Variants in PDE3B observed in about 807,000 individuals in gnomAD.
The protein encoded by PDE3B is phosphodiesterase 3B, also known as cGMP-inhibited 3',5'-cyclic phosphodiesterase 3B.
Under a neutral mutation model 116.8 loss-of-function variants are expected in PDE3B, and 66 were observed. That is an observed-to-expected ratio of 0.56 (90% confidence interval 0.46 to 0.69). The LOEUF (loss-of-function observed/expected upper bound fraction) is 0.69, where lower values mean the gene tolerates loss of function less well. Among genes scored for constraint, PDE3B ranks in the 30% least tolerant of loss-of-function variants. The pLI is 0.00. For synonymous variants in PDE3B, 595 were observed against 533.6 expected (o/e 1.12, Z -1.59); for missense variants, 1,384 against 1,368.1 (o/e 1.01, Z -0.18).
rs1261234502 is a variant in PDE3B, at chr11:14,805,266, GAAC to G, written c.1522+1222_1522+1224del. Among the ~76,000 whole-genome samples the G allele has an allele frequency of 2.0e-5, 3 of 152,076 alleles. 1 individual carries two copies. Among genetic ancestry groups the G allele is most frequent in the East Asian group, 3.9e-4 (2 of 5,194 alleles). On this transcript the variant is annotated intron_variant, in intron 5 of 15. Coordinates refer to ENST00000282096, the MANE Select transcript of PDE3B (RefSeq NM_000922.4). The stretch of plus-strand genomic sequence containing the variant: ...AGCAAGGTTGTTTTTATTTTTCAAG[GAAC>G]AACAATAATGATATTGACAGTGACT...
At chr11:14,664,310 A>G (rs1213200496) in intron 1 of PDE3B, among the ~76,000 whole-genome samples, 2 of 152,220 alleles carry the variant, frequency 1.3e-5, no homozygotes, top group Non-Finnish European at 2.9e-5. Context: ...CACAAGAGAA[A>G]GTAGGAAAGA....
intron 2 of PDE3B, chr11:14,773,897 A>C (rs1010271940): frequency 6.6e-6 from 1 of 152,192 alleles, no homozygotes; most frequent in African/African-American, 2.4e-5. Context: ...TAAGCTCACT[A>C]CTTTGTTTTT....
chr11:14,723,040 G>A (rs921762505), intron 1 of PDE3B, among the ~76,000 whole-genome samples: 2 of 152,158 alleles, frequency 1.3e-5, no homozygotes, highest in African/African-American at 4.8e-5. Context: ...ATCCTAAATG[G>A]CATCTGGCCA....
At chr11:14,847,344 T>C (rs1023947123) in intron 12 of PDE3B, among the ~76,000 whole-genome samples, 2 of 149,914 alleles carry the variant, frequency 1.3e-5, no homozygotes, top group East Asian at 2.0e-4. Context: ...CAAAGCAGTG[T>C]GTAGAGGGAA....
Position 14,734,836 on chromosome 11 carries a change from A to G in PDE3B, c.979-37101A>G, listed in dbSNP as rs907291148. ...GCTGTTTTTGAGAATACAGATTCCA[A>G]TACAACCACAAAAACCTTACCACAT... On this transcript the variant is annotated intron_variant, in intron 1 of 15. Transcript: ENST00000282096. 1.6e-4 allele frequency among the ~76,000 whole-genome samples: 25 copies of G among 152,256 alleles called. No individual in the cohort carries two copies. In the South Asian group the frequency reaches 1.7e-3, roughly 10 times the overall value.
chr11:14,869,458 C>T lies in PDE3B; in HGVS notation c.3140-3C>T, dbSNP rs782419085. 6.2e-7 allele frequency: 1 copy of T among 1,606,406 alleles called. No individual in the cohort carries two copies. Among genetic ancestry groups the T allele is most frequent in the Non-Finnish European group, 8.5e-7 (1 of 1,177,464 alleles). On this transcript the variant is annotated splice_region_variant and splice_polypyrimidine_tract_variant and intron_variant, in intron 15 of 15. Coordinates refer to ENST00000282096, the MANE Select transcript of PDE3B (RefSeq NM_000922.4). ...TAGAATATATTTATTTTAAATTTCACAGAACCACCAAGAAGGAAAAGCAGA... is the reference window on the plus strand; with the variant it reads ...TAGAATATATTTATTTTAAATTTCATAGAACCACCAAGAAGGAAAAGCAGA...
chr11:14,658,006 A>G (rs996916357), intron 1 of PDE3B, among the ~76,000 whole-genome samples: 9 of 152,198 alleles, frequency 5.9e-5, no homozygotes, highest in Non-Finnish European at 1.3e-4. Context: ...TCATTAGCAG[A>G]ATAGGACCAG....
chr11:14,886,684 G>A, the PDE3B span: 3 of 152,194 alleles, frequency 2.0e-5, no homozygotes, highest in African/African-American at 4.8e-5. Flanking sequence ...GTGAGAGAAC[G>A]ATATTCCCTT....
At chr11:14,668,322 C>T (rs1033943594) in intron 1 of PDE3B, among the ~76,000 whole-genome samples, 2 of 152,076 alleles carry the variant, frequency 1.3e-5, no homozygotes, top group Non-Finnish European at 2.9e-5. Context: ...TCTAAGGACA[C>T]TTGGTTCTTT....
the PDE3B span, chr11:14,892,336 G>T: frequency 1.2e-6 from 1 of 845,506 alleles, no homozygotes. Flanking sequence ...CTGACTGAGT[G>T]AGCGCTCAGG....
intron 1 of PDE3B, among the ~76,000 whole-genome samples, chr11:14,755,392 T>G (rs1292775093): frequency 1.3e-5 from 2 of 152,234 alleles, no homozygotes; most frequent in African/African-American, 4.8e-5. Flanking sequence ...TGGAAATGAT[T>G]ATTTACAGTG....
intron 1 of PDE3B, among the ~76,000 whole-genome samples, chr11:14,646,453 G>A (rs542545161): frequency 2.6e-5 from 4 of 152,158 alleles, no homozygotes; most frequent in Non-Finnish European, 4.4e-5. Flanking sequence ...TACTACCAGT[G>A]ATAATAGATA....
chr11:14,644,129 T>G lies in PDE3B; in HGVS notation c.54T>G (p.Asp18Glu). The change falls in exon 1 of 16, where the codon GAT (aspartate) becomes GAG (glutamate). Residue 18 changes from aspartate (D) to glutamate (E), a missense_variant. By Grantham distance (45) the Asp-to-Glu change is conservative. This residue lies in a region of PDE3B where 956 missense variants were observed against 806.8 expected (regional missense o/e 1.18). Coordinates refer to ENST00000282096, the MANE Select transcript of PDE3B (RefSeq NM_000922.4). ...CCATGCGGTCCCTGCAGCCGCCGGA[T>G]GGGGCCGGCTCGCCCCCCGAGAGTC... ...AKAMRSLQPP[D>E]GAGSPPESLR... 3 of 1,584,914 alleles carry G rather than the reference T, an allele frequency of 1.9e-6. No homozygotes were observed. The highest frequency in any genetic ancestry group is 1.7e-6 in the Non-Finnish European group (2 of 1,174,132).
chr11:14,668,540 G>GT (rs1854259256), intron 1 of PDE3B, among the ~76,000 whole-genome samples: 1 of 152,060 alleles, frequency 6.6e-6, no homozygotes. Flanking sequence ...GCCATCAGAT[G>GT]TTTGAAAAAA....
At chr11:14,757,046 T>C (rs1040659753) in intron 1 of PDE3B, among the ~76,000 whole-genome samples, 3 of 149,954 alleles carry the variant, frequency 2.0e-5, no homozygotes, top group Non-Finnish European at 3.0e-5. Context: ...AGTGAGAATA[T>C]GTGGTGTTTG....
intron 1 of PDE3B, among the ~76,000 whole-genome samples, chr11:14,645,887 TATTG>T: frequency 6.6e-6 from 1 of 152,314 alleles, no homozygotes; most frequent in East Asian, 1.9e-4. Flanking sequence ...TAGTTACTAT[TATTG>T]AGCATTTATG....
At chr11:14,670,986 T>A (rs1854348146) in intron 1 of PDE3B, among the ~76,000 whole-genome samples, 1 of 152,048 alleles carries the variant, frequency 6.6e-6, no homozygotes. Flanking sequence ...GTACTACAAG[T>A]GCACACCACC....
intron 13 of PDE3B, among the ~76,000 whole-genome samples, chr11:14,859,857 C>T (rs775803492): frequency 3.3e-5 from 5 of 152,136 alleles, no homozygotes; most frequent in Admixed American, 6.5e-5. Context: ...CCCAGTATGA[C>T]GGTGGTACTC....
At chr11:14,850,409 A>G (rs916458920) in intron 12 of PDE3B, among the ~76,000 whole-genome samples, 6 of 152,136 alleles carry the variant, frequency 3.9e-5, no homozygotes, top group Non-Finnish European at 7.4e-5. Flanking sequence ...TAATGGGTGC[A>G]GCACACCAGC....
Sources: allele counts gnomAD v4.1 joint callset (sites outside exome capture counted in the v4.1 genomes callset), GRCh38; gene constraint gnomAD v4.1.1; regional missense constraint gnomAD v4.1.1; transcripts MANE v1.5; gene names NCBI Gene and HGNC (gene_info 2026-07-23, HGNC 2026-07-21).